Variants in LDLRAD4 observed in about 807,000 individuals in gnomAD.
LDLRAD4 encodes the protein low density lipoprotein receptor class A domain containing 4.
A neutral mutation model predicts 17.0 loss-of-function variants in LDLRAD4; 5 were observed. That is an observed-to-expected ratio of 0.29 (90% CI 0.15 to 0.62). The LOEUF (loss-of-function observed/expected upper bound fraction) is 0.62. Among genes scored for constraint, LDLRAD4 ranks in the 20% least tolerant of loss-of-function variants. The probability of loss-of-function intolerance (pLI) is 0.84; values close to 1 mark genes in which losing one functional copy is unlikely to be tolerated. For synonymous variants in LDLRAD4, 168 were observed against 171.8 expected, an observed-to-expected ratio of 0.98 and a Z score of 0.17; for missense variants, 340 against 424.7, an observed-to-expected ratio of 0.80 and a Z score of 1.75.
At chr18:13,485,832 T>C (rs975954330) in intron 3 of LDLRAD4, among the ~76,000 whole-genome samples, 2 of 152,124 alleles carry the variant, frequency 1.3e-5, no homozygotes, top group Admixed American at 1.3e-4. Context: ...TGAGCCATGA[T>C]CACGCCACCA....
chr18:13,389,540 C>G (rs1387272954), intron 2 of LDLRAD4, among the ~76,000 whole-genome samples: 1 of 152,072 alleles, frequency 6.6e-6, no homozygotes, highest in African/African-American at 2.4e-5. Context: ...GAAGAGGGAA[C>G]AAGAAAAGAA....
intron 3 of LDLRAD4, among the ~76,000 whole-genome samples, chr18:13,594,240 G>T (rs1221566505): frequency 6.6e-6 from 1 of 152,102 alleles, no homozygotes; most frequent in African/African-American, 2.4e-5. Context: ...ACAGGAGATG[G>T]CTTGTGGCTT....
At position 13,439,774 on chromosome 18, in the gene LDLRAD4, G is replaced by A. The variant is rs1457638114; in HGVS notation, c.181+1390G>A. ...GGATGGGGGACTGGGAGCTGGGTGA[G>A]CACCTCCCTGAGGATGAGCAGGCAG... On this transcript the variant is annotated intron_variant, in intron 3 of 5. Coordinates refer to ENST00000359446, the Ensembl canonical transcript of LDLRAD4. Among the ~76,000 whole-genome samples, 7 of 152,214 alleles carry A rather than the reference G, an allele frequency of 4.6e-5. No homozygotes were observed. In the East Asian group the frequency reaches 9.6e-4, roughly 21 times the overall value.
At chr18:13,439,844 T>G (rs2090912289) in intron 3 of LDLRAD4, among the ~76,000 whole-genome samples, 1 of 152,182 alleles carries the variant, frequency 6.6e-6, no homozygotes, top group Non-Finnish European at 1.5e-5. Context: ...CTTGTTGGCC[T>G]TTCCACATGG....
chr18:13,494,647 C>T (rs1354484516), intron 3 of LDLRAD4, among the ~76,000 whole-genome samples: 2 of 11,676 alleles, frequency 1.7e-4, no homozygotes, highest in East Asian at 0.017. Flanking sequence ...CCACTGCACT[C>T]CAGCCTGGAG....
chr18:13,259,055 T>C (rs2043660673), intron 1 of LDLRAD4, among the ~76,000 whole-genome samples: 1 of 152,260 alleles, frequency 6.6e-6, no homozygotes, highest in African/African-American at 2.4e-5. Flanking sequence ...TGAGTATTCC[T>C]GAAACAAATG....
chr18:13,442,756 C>A (rs16940551), intron 3 of LDLRAD4, among the ~76,000 whole-genome samples: 2 of 152,146 alleles, frequency 1.3e-5, no homozygotes, highest in African/African-American at 4.8e-5. Flanking sequence ...TTCCTTCGAC[C>A]GTCCAGAAGC....
chr18:13,628,348 G>A (rs1427560569), intron 4 of LDLRAD4, among the ~76,000 whole-genome samples: 11 of 152,210 alleles, frequency 7.2e-5, no homozygotes, highest in Non-Finnish European at 4.4e-5. Context: ...GCAGGGGACC[G>A]TTTCCCTGCA....
chr18:13,349,361 T>G (rs1406800576), intron 1 of LDLRAD4, among the ~76,000 whole-genome samples: 1 of 152,266 alleles, frequency 6.6e-6, no homozygotes, highest in Admixed American at 6.5e-5. Context: ...GCACTTATGA[T>G]TCTTTTATGC....
intron 1 of LDLRAD4, among the ~76,000 whole-genome samples, chr18:13,334,628 G>T (rs1316455046): frequency 6.6e-6 from 1 of 152,124 alleles, no homozygotes; most frequent in East Asian, 1.9e-4. Flanking sequence ...GATTTTCTTG[G>T]TATCTGTACA....
At chr18:13,224,909 T>G (rs1463724490) in intron 1 of LDLRAD4, among the ~76,000 whole-genome samples, 5 of 151,784 alleles carry the variant, frequency 3.3e-5, no homozygotes, top group Admixed American at 3.3e-4. Flanking sequence ...CTCAGCTCAC[T>G]GCAACCTCCG....
At chr18:13,232,350 G>C (rs1172736624) in intron 1 of LDLRAD4, among the ~76,000 whole-genome samples, 1 of 152,230 alleles carries the variant, frequency 6.6e-6, no homozygotes, top group Non-Finnish European at 1.5e-5. Flanking sequence ...TCTGTGGCCT[G>C]TGCCCCTTTT....
At chr18:13,387,806 G>A (rs1214624810) in intron 2 of LDLRAD4, 44 bp downstream of exon 3, 2 of 1,582,446 alleles carry the variant, frequency 1.3e-6, no homozygotes, top group South Asian at 2.2e-5. Context: ...TCCACTCCTG[G>A]GAGGCAATAA....
At chr18:13,384,712 G>A (rs1276019874) in intron 1 of LDLRAD4, among the ~76,000 whole-genome samples, 2 of 151,972 alleles carry the variant, frequency 1.3e-5, no homozygotes, top group South Asian at 2.1e-4. Context: ...ATGTCCATCC[G>A]TTTCATAAGT....
At chr18:13,598,102 A>G (rs1286467156) in intron 3 of LDLRAD4, among the ~76,000 whole-genome samples, 1 of 152,090 alleles carries the variant, frequency 6.6e-6, no homozygotes, top group Non-Finnish European at 1.5e-5. Flanking sequence ...ATTTTTTGTT[A>G]CTGAAAACTG....
At chr18:13,594,419 G>A (rs1291856112) in intron 3 of LDLRAD4, among the ~76,000 whole-genome samples, 1 of 152,010 alleles carries the variant, frequency 6.6e-6, no homozygotes, top group African/African-American at 2.4e-5. Context: ...GGTCGGGTGT[G>A]GTAACGCTTG....
chr18:13,491,791 C>T (rs1158062468), intron 3 of LDLRAD4, among the ~76,000 whole-genome samples: 1 of 152,158 alleles, frequency 6.6e-6, no homozygotes, highest in Non-Finnish European at 1.5e-5. Context: ...CTGTTTCTCA[C>T]CCTGGTACTT....
At chr18:13,612,308 G>A (rs867841329) in intron 3 of LDLRAD4, 2 of 1,041,548 alleles carry the variant, frequency 1.9e-6, no homozygotes, top group Non-Finnish European at 1.2e-6. Flanking sequence ...ACTGATAGAC[G>A]TTGCTGTAAA....
intron 3 of LDLRAD4, among the ~76,000 whole-genome samples, chr18:13,544,885 C>CTTTTTTTTTTTTTTTTTTTT (rs58284452): frequency 4.9e-5 from 6 of 122,854 alleles, no homozygotes; most frequent in Non-Finnish European, 8.5e-5. Flanking sequence ...GATGGTTTGT[C>CTTTTTTTTTTTTTTTTTTTT]TTTTTTTTTT....
Sources: gnomAD v4.1 joint callset for allele counts (sites outside exome capture counted in the v4.1 genomes callset) on GRCh38, gnomAD v4.1.1 for gene constraint, MANE v1.5 for transcripts, NCBI Gene and HGNC (gene_info 2026-07-23, HGNC 2026-07-21) for gene names.